The following CACNA1G variants were observed in gnomAD, a reference collection of about 807,000 sequenced individuals.
CACNA1G encodes voltage-dependent T-type calcium channel subunit alpha-1G.
CACNA1G carries 67 observed loss-of-function variants against 219.4 expected under a neutral mutation model. The observed-to-expected ratio is 0.31, with a 90% CI of 0.25 to 0.37. CACNA1G has a LOEUF of 0.37. Ranked by LOEUF, CACNA1G falls within the 10% of genes least tolerant of loss-of-function variation. CACNA1G has a pLI of 1.00. For synonymous variants in CACNA1G, 1,296 were observed against 1,345.3 expected (o/e 0.96, Z 0.80); for missense variants, 2,380 against 3,231.4 (o/e 0.74, Z 6.39).
At position 50,596,465 on chromosome 17, in the gene CACNA1G, A is replaced by G; in HGVS notation, c.2980-97A>G. ...CCGTGGTTGCTGGTTCCTGTGGCCT[A>G]TATGTGGTGTGCGTGTGTGAAGAGA... is the stretch of plus-strand genomic sequence containing the variant. On this transcript the variant is annotated intron_variant, in intron 14 of 37. Coordinates refer to ENST00000359106, the MANE Select transcript of CACNA1G (RefSeq NM_018896.5). The surrounding 1 kb of genome is among the most constrained non-coding windows in gnomAD (Gnocchi z 4.8). 1.1e-6 allele frequency: 1 copy of G among 931,958 alleles called. No individual in the cohort carries two copies. The highest frequency in any genetic ancestry group is 1.4e-5 in the South Asian group (1 of 72,488). The allele number at this position is 931,958 out of a possible 1,614,324, so 57.7% of individuals were successfully genotyped here. A position where few individuals can be genotyped will look rare whatever the true frequency, so the allele number is the denominator to read the frequency against.
intron 1 of CACNA1G, among the ~76,000 whole-genome samples, chr17:50,565,389 G>GGA (rs1555632725): frequency 7.0e-6 from 1 of 142,958 alleles, no homozygotes; most frequent in Non-Finnish European, 1.5e-5. Flanking sequence ...GGGTGGGGCG[G>GGA]GGGGTTCTGC....
Position 50,609,951 on chromosome 17 carries a change from T to C in CACNA1G, c.4759+16T>C, listed in dbSNP as rs1201888100. The C allele has an allele frequency of 1.9e-6, 3 of 1,606,366 alleles. No homozygotes were observed. The highest frequency in any genetic ancestry group is 2.5e-6 in the Non-Finnish European group (3 of 1,177,586). ...GCTGCGTCAGGTACTGCGTCTGGGG[T>C]GTGGGCTCATGCGTGTGGGGACATG... On this transcript the variant is annotated intron_variant, in intron 26 of 37. Transcript: ENST00000359106.
Position 50,607,914 on chromosome 17 carries a change from G to A in CACNA1G, c.4600G>A (p.Gly1534Ser). The stretch of plus-strand genomic sequence containing the variant: ...CTTCTTTGTCCTGAACATGTTTGTG[G>A]GTGTGGTGGTGGAGAACTTCCACAA... The part of the protein sequence containing the change: ...VAFFVLNMFV[G>S]VVVENFHKCR... The change falls in exon 25 of 38, where the codon GGT becomes AGT. Residue 1534 changes from glycine (G) to serine (S), a missense_variant. This residue lies in a region of CACNA1G where 153 missense variants were observed against 374.9 expected (regional missense o/e 0.41). Coordinates refer to ENST00000359106, the MANE Select transcript of CACNA1G (RefSeq NM_018896.5). The A allele has an allele frequency of 6.2e-7, 1 of 1,614,018 alleles. No individual in the cohort carries two copies. Among genetic ancestry groups the A allele is most frequent in the Non-Finnish European group, 8.5e-7 (1 of 1,179,890 alleles).
intron 7 of CACNA1G, among the ~76,000 whole-genome samples, chr17:50,573,828 G>A (rs984519830): frequency 5.9e-5 from 9 of 152,046 alleles, no homozygotes; most frequent in African/African-American, 1.4e-4. Context: ...TAACTTCATC[G>A]CCACCACTTT....
Position 50,624,458 on chromosome 17 carries a change from A to T in CACNA1G, c.6328A>T (p.Thr2110Ser). ...TCTGCTCCAGCCCCACAGCGCCCCA[A>T]CCTGGGGCACCATCCCCAAACTGCC... ...PHLLQPHSAP[T>S]WGTIPKLPPP... The change falls in exon 37 of 38, where the codon ACC becomes TCC. Residue 2110 changes from threonine (T) to serine (S), a missense_variant. Around this residue, in one of 17 missense-constraint regions of CACNA1G, gnomAD observed 672 missense variants for 670.5 expected, o/e 1.00. Coordinates refer to ENST00000359106, the MANE Select transcript of CACNA1G (RefSeq NM_018896.5). The T allele has an allele frequency of 1.2e-6, 2 of 1,600,294 alleles. No individual in the cohort carries two copies. Among genetic ancestry groups the T allele is most frequent in the Admixed American group, 1.7e-5 (1 of 58,730 alleles).
Position 50,575,786 on chromosome 17 carries a change from G to T in CACNA1G, c.1384G>T (p.Val462Phe). Residue 462 changes from valine to phenylalanine, a missense_variant, in exon 8 of 38, where the codon GTT becomes TTT. Val to Phe is a conservative substitution (Grantham distance 50). Around this residue, in one of 17 missense-constraint regions of CACNA1G, gnomAD observed 434 missense variants for 417.3 expected, o/e 1.04. Transcript: ENST00000359106. ...AQVSRAAGVRVGLLSSPAPLG... is the reference protein window; with the variant it reads ...AQVSRAAGVRFGLLSSPAPLG... The stretch of plus-strand genomic sequence containing the variant: ...GGTCTCTCGGGCAGCAGGTGTGCGG[G>T]TTGGGCTGCTCAGCAGCCCAGCACC... 1 of 1,554,204 alleles carries T rather than the reference G, an allele frequency of 6.4e-7. No homozygotes were observed. Among genetic ancestry groups the T allele is most frequent in the Non-Finnish European group, 8.7e-7 (1 of 1,149,060 alleles).
Position 50,617,628 on chromosome 17 carries a change from G to A in CACNA1G, c.5155+57G>A. ...AGGGTGACCAGCCCAGGGAGAGAGAGCAAGGGTCGGCTTTGTGGCTGGTCA... is the reference window on the plus strand; with the variant it reads ...AGGGTGACCAGCCCAGGGAGAGAGAACAAGGGTCGGCTTTGTGGCTGGTCA... On this transcript the variant is annotated intron_variant, in intron 29 of 37. Transcript: ENST00000359106. The surrounding 1 kb of genome is among the most constrained non-coding windows in gnomAD (Gnocchi z 5.8). 1 of 1,586,714 alleles carries A rather than the reference G, an allele frequency of 6.3e-7. No individual in the cohort carries two copies.
intron 23 of CACNA1G, 73 bp from the exon 24 acceptor site, chr17:50,606,827 T>G: frequency 9.1e-7 from 1 of 1,094,800 alleles, no homozygotes; most frequent in Non-Finnish European, 1.4e-6. Flanking sequence ...AGGAGGCACT[T>G]TGGGGGCAGG....
At position 50,624,382 on chromosome 17, in the gene CACNA1G, C is replaced by A; in HGVS notation, c.6252C>A (p.Ser2084=). Residue 2084 remains serine, a synonymous_variant, in exon 37 of 38, where the codon TCC becomes TCA. Coordinates refer to ENST00000359106, the MANE Select transcript of CACNA1G (RefSeq NM_018896.5). ...AQSGSVLSVH[S]QPADTSYILQ... ...CAGGCTCCGTCTTGTCCGTTCACTCCCAGCCAGCAGATACCAGCTACATCC... is the reference window on the plus strand; with the variant it reads ...CAGGCTCCGTCTTGTCCGTTCACTCACAGCCAGCAGATACCAGCTACATCC... 6.3e-7 allele frequency: 1 copy of A among 1,592,988 alleles called. No individual in the cohort carries two copies.
chr17:50,589,910 C>CTGTGTGTGTG (rs1433425710), intron 9 of CACNA1G, among the ~76,000 whole-genome samples: 3 of 146,488 alleles, frequency 2.0e-5, no homozygotes, highest in African/African-American at 8.0e-5. Context: ...CTCTCTCTCT[C>CTGTGTGTGTG]TCTGTGTGTG....
intron 26 of CACNA1G, among the ~76,000 whole-genome samples, 177 bp from the exon 27 acceptor site, chr17:50,615,184 G>A (rs914972095): frequency 3.2e-4 from 49 of 152,244 alleles, no homozygotes; most frequent in Admixed American, 6.5e-4. Context: ...GCTTGGAGGG[G>A]GACACGCCCA....
intron 34 of CACNA1G, 31 bp downstream of exon 34, chr17:50,619,857 C>T (rs1339671355): frequency 1.3e-6 from 2 of 1,579,060 alleles, no homozygotes; most frequent in Non-Finnish European, 1.7e-6. Flanking sequence ...TGCCCTCTCC[C>T]CTGACCGTGC....
intron 22 of CACNA1G, 47 bp downstream of exon 22, chr17:50,604,328 G>A: frequency 6.2e-7 from 1 of 1,600,048 alleles, no homozygotes; most frequent in South Asian, 1.1e-5. Context: ...CCTGAAGAGG[G>A]CCCTTCCCCT....
intron 19 of CACNA1G, among the ~76,000 whole-genome samples, 166 bp from the exon 20 acceptor site, chr17:50,602,654 G>A (rs907189653): frequency 6.6e-6 from 1 of 152,204 alleles, no homozygotes; most frequent in African/African-American, 2.4e-5. Flanking sequence ...GCCTGGCACT[G>A]GCTCTGTGCG....
At chr17:50,562,137 G>A (rs1301132854) in intron 1 of CACNA1G, 2 of 150,018 alleles carry the variant, frequency 1.3e-5, no homozygotes, top group Admixed American at 1.3e-4. Context: ...GGGTGGGTGG[G>A]GGCGGTGGGG....
In CACNA1G at chr17:50,604,649, C is replaced by T. The variant is rs572111406; in HGVS notation, c.4296+368C>T. 2.0e-5 allele frequency among the ~76,000 whole-genome samples: 3 copies of T among 152,340 alleles called. 1 individual carries two copies. The South Asian group carries it at 6.2e-4, about 32-fold the overall frequency. ...TGGGCTGCAGGCCAGGTCTGGGGAT[C>T]CAGGGCCCAGACAGCTGGGCCAGGT... is the stretch of plus-strand genomic sequence containing the variant. On this transcript the variant is annotated intron_variant, in intron 22 of 37. Transcript: ENST00000359106.
chr17:50,578,479 T>C lies in CACNA1G; in HGVS notation c.2216T>C (p.Ile739Thr), dbSNP rs747907009. 1.2e-5 allele frequency: 19 copies of C among 1,594,488 alleles called. No homozygotes were observed. In the African/African-American group the frequency reaches 1.2e-4, roughly 10 times the overall value. Residue 739 changes from isoleucine to threonine, a missense_variant, in exon 9 of 38, where the codon ATT becomes ACT. Ile to Thr is a moderately conservative substitution (Grantham distance 89). Coordinates refer to ENST00000359106, the MANE Select transcript of CACNA1G (RefSeq NM_018896.5). This position sits in a 1 kb window ranked among gnomAD's most constrained non-coding sequence, Gnocchi z 4.5. Reference protein sequence around the residue: ...WRLICDTFRKIVDSKYFGRGI... With the variant: ...WRLICDTFRKTVDSKYFGRGI... Reference sequence around the variant, plus strand: ...CTAATCTGTGACACCTTCCGAAAGATTGTGGACAGCAAGTACTTTGGCCGG... The same window carrying C: ...CTAATCTGTGACACCTTCCGAAAGACTGTGGACAGCAAGTACTTTGGCCGG...
intron 9 of CACNA1G, among the ~76,000 whole-genome samples, chr17:50,583,204 C>T (rs1352036559): frequency 6.6e-6 from 1 of 152,174 alleles, no homozygotes; most frequent in South Asian, 2.1e-4. Flanking sequence ...GGAGCCCTGG[C>T]TGAAGAGCTA....
rs775747609 is a variant in CACNA1G at position 50,621,744 on chromosome 17, T to G, written c.6010T>G (p.Ser2004Ala). 2 of 1,613,986 alleles carry G rather than the reference T, an allele frequency of 1.2e-6. No homozygotes were observed. Among genetic ancestry groups the G allele is most frequent in the Non-Finnish European group, 1.7e-6 (2 of 1,179,872 alleles). The part of the protein sequence containing the change: ...PSCSLALTDD[S>A]LPDDMHTLLL... ...CTGCTCTCTAGCTCTGACGGATGACTCTTTGCCTGATGACATGCACACACT... is the reference window on the plus strand; with the variant it reads ...CTGCTCTCTAGCTCTGACGGATGACGCTTTGCCTGATGACATGCACACACT... Residue 2004 changes from serine (S) to alanine (A), a missense_variant, in exon 35 of 38, where the codon TCT (serine) becomes GCT (alanine). Physicochemically the swap from Ser to Ala is moderately conservative, Grantham distance 99. This residue lies in a region of CACNA1G where 672 missense variants were observed against 670.5 expected (regional missense o/e 1.00). Coordinates refer to ENST00000359106, the MANE Select transcript of CACNA1G (RefSeq NM_018896.5). This position sits in a 1 kb window ranked among gnomAD's most constrained non-coding sequence, Gnocchi z 4.6.
Sources: gnomAD v4.1 joint callset for allele counts (sites outside exome capture counted in the v4.1 genomes callset) on GRCh38, gnomAD v4.1.1 for gene constraint, gnomAD v4.1.1 regional missense constraint, Gnocchi (gnomAD v3.1) non-coding constraint, MANE v1.5 for transcripts, NCBI Gene and HGNC (gene_info 2026-07-23, HGNC 2026-07-21) for gene names.